PARD6B: variants seen among roughly 807,000 people sequenced by gnomAD.
PARD6B encodes partitioning defective 6 homolog beta.
In PARD6B, 4 loss-of-function variants were observed where a neutral mutation model predicts 10.5. That is an observed-to-expected ratio of 0.38 (90% CI 0.19 to 0.87). The LOEUF is 0.87. Among genes scored for constraint, PARD6B ranks in the 40% least tolerant of loss-of-function variants. The pLI, the probability that PARD6B is intolerant of heterozygous loss-of-function variation, is 0.41. For missense variants in PARD6B, 396 were observed against 470.6 expected, an observed-to-expected ratio of 0.84 and a Z score of 1.47; for synonymous variants, 169 against 170.4, an observed-to-expected ratio of 0.99 and a Z score of 0.07.
chr20:50,744,424 G>A (rs998541203), intron 2 of PARD6B, among the ~76,000 whole-genome samples: 1 of 152,106 alleles, frequency 6.6e-6, no homozygotes, highest in Admixed American at 6.6e-5. Flanking sequence ...GGCTGCAGTA[G>A]CTTCTTGTCC....
At position 50,750,136 on chromosome 20, in the gene PARD6B, T is replaced by G. The variant is rs373485771; in HGVS notation, c.767T>G (p.Val256Gly). 6.2e-7 allele frequency: 1 copy of G among 1,614,108 alleles called. No homozygotes were observed. Among genetic ancestry groups the G allele is most frequent in the Non-Finnish European group, 8.5e-7 (1 of 1,180,048 alleles). ...CCGGCAAACCAGAGGAATAATGTTGTGAGGAACAGTCGGACTTCTGGCAGT... is the reference window on the plus strand; with the variant it reads ...CCGGCAAACCAGAGGAATAATGTTGGGAGGAACAGTCGGACTTCTGGCAGT... ...VRPANQRNNV[V>G]RNSRTSGSSG... The change falls in exon 3 of 3, where the codon GTG (valine) becomes GGG (glycine). Residue 256 changes from valine to glycine, a missense_variant. Physicochemically the swap from Val to Gly is moderately radical, Grantham distance 109. Transcript: ENST00000371610.
rs1369815134 is a variant in PARD6B, at chr20:50,751,690, G to A, written c.*1202G>A. 3 of 980,818 alleles carry A rather than the reference G, an allele frequency of 3.1e-6. No individual in the cohort carries two copies. In the African/African-American group the frequency reaches 5.3e-5, roughly 17 times the overall value. The allele number at this position is 980,818 out of a possible 1,614,324, so 60.8% of individuals were successfully genotyped here. The stretch of plus-strand genomic sequence containing the variant: ...GAATCAAACCACTTGGCTGTTTTTA[G>A]GAGTTACTTCCCATGTTATAAAGCT... On this transcript the variant is annotated 3_prime_UTR_variant, in exon 3 of 3. Transcript: ENST00000371610.
intron 2 of PARD6B, among the ~76,000 whole-genome samples, chr20:50,746,054 G>A (rs2087566071): frequency 6.6e-6 from 1 of 151,892 alleles, no homozygotes; most frequent in African/African-American, 2.4e-5. Flanking sequence ...TACTGATGGA[G>A]CTTATGTAGA....
At chr20:50,734,607 G>A (rs370643992) in intron 1 of PARD6B, among the ~76,000 whole-genome samples, 8 of 152,130 alleles carry the variant, frequency 5.3e-5, no homozygotes, top group South Asian at 2.1e-4. Context: ...TGATCCGCCC[G>A]TCTCTACCTC....
At chr20:50,748,141 A>C (rs966474332) in intron 2 of PARD6B, among the ~76,000 whole-genome samples, 3 of 152,246 alleles carry the variant, frequency 2.0e-5, no homozygotes, top group Admixed American at 6.5e-5. Flanking sequence ...GAGTTCCATC[A>C]AGACCAGCCT....
At chr20:50,742,716 CTA>C (rs1214899824) in intron 2 of PARD6B, among the ~76,000 whole-genome samples, 10 of 152,112 alleles carry the variant, frequency 6.6e-5, no homozygotes, top group Admixed American at 3.3e-4. Context: ...AAATTTAAAA[CTA>C]TGTGATCTTT....
intron 1 of PARD6B, 105 bp downstream of exon 1, chr20:50,731,957 C>T (rs1177737082): frequency 9.7e-7 from 1 of 1,028,832 alleles, no homozygotes; most frequent in African/African-American, 1.7e-5. Flanking sequence ...GCTGAGCTGC[C>T]CCGGGGTCTG....
Position 50,751,009 on chromosome 20 carries a change from G to A in PARD6B, c.*521G>A, listed in dbSNP as rs2087605149. The A allele has an allele frequency of 4.8e-6, 3 of 620,852 alleles. No individual in the cohort carries two copies. Among genetic ancestry groups the A allele is most frequent in the African/African-American group, 2.6e-5 (1 of 38,648 alleles). The allele number at this position is 620,852 out of a possible 1,614,324, so 38.5% of individuals were successfully genotyped here. ...TTTAGTGACTGGGTCTCACTCTGTT[G>A]CCCACACTGGAATGCAGTGGCATGA... On this transcript the variant is annotated 3_prime_UTR_variant, in exon 3 of 3. Coordinates refer to ENST00000371610, the MANE Select transcript of PARD6B (RefSeq NM_032521.3).
intron 1 of PARD6B, among the ~76,000 whole-genome samples, chr20:50,735,486 G>T (rs533134314): frequency 1.1e-4 from 17 of 152,218 alleles, no homozygotes; most frequent in South Asian, 2.1e-4. Context: ...GACACTGGGG[G>T]AAGGGAGTCC....
chr20:50,753,503 G>A lies in PARD6B; in HGVS notation c.*3015G>A, dbSNP rs2087626648. ...TAAGTAAATTTATGATAATGTTCTC[G>A]AGCTATCAACAAAATATATGTACTT... On this transcript the variant is annotated 3_prime_UTR_variant, in exon 3 of 3. Transcript: ENST00000371610. 3 of 961,480 alleles carry A rather than the reference G, an allele frequency of 3.1e-6. No homozygotes were observed. Among genetic ancestry groups the A allele is most frequent in the Non-Finnish European group, 3.7e-6 (3 of 807,916 alleles). 59.6% of individuals were successfully genotyped at this position (961,480 alleles called of 1,614,324 possible). A position where few individuals can be genotyped will look rare whatever the true frequency, so the allele number is the denominator to read the frequency against.
chr20:50,749,356 A>C (rs2123708349), intron 2 of PARD6B, among the ~76,000 whole-genome samples: 1 of 148,418 alleles, frequency 6.7e-6, no homozygotes, highest in South Asian at 2.2e-4. Context: ...AAAAAAAAAA[A>C]TATGTAAGAT....
intron 1 of PARD6B, among the ~76,000 whole-genome samples, chr20:50,734,036 C>G (rs1037959298): frequency 4.6e-5 from 7 of 152,162 alleles, no homozygotes; most frequent in Admixed American, 6.5e-5. Context: ...CTAACTGTGT[C>G]TTTTAAATAG....
At chr20:50,737,313 T>C (rs1158936978) in intron 1 of PARD6B, among the ~76,000 whole-genome samples, 1 of 152,256 alleles carries the variant, frequency 6.6e-6, no homozygotes, top group Non-Finnish European at 1.5e-5. Flanking sequence ...GATGTATTAC[T>C]GAAGCTTATT....
At chr20:50,735,899 C>G (rs1371720971) in intron 1 of PARD6B, among the ~76,000 whole-genome samples, 1 of 152,176 alleles carries the variant, frequency 6.6e-6, no homozygotes, top group Non-Finnish European at 1.5e-5. Flanking sequence ...CAAGCACTAG[C>G]AACTTCATGT....
Position 50,742,351 on chromosome 20 carries a change from A to ATTTAT in PARD6B, c.289+4296_289+4300dup, listed in dbSNP as rs879671852. Among the ~76,000 whole-genome samples, 160 of 149,616 alleles carry ATTTAT rather than the reference A, an allele frequency of 1.1e-3. 1 individual carries two copies. The Middle Eastern group carries it at 0.011, about 10-fold the overall frequency. On this transcript the variant is annotated intron_variant, in intron 2 of 2. Coordinates refer to ENST00000371610, the MANE Select transcript of PARD6B (RefSeq NM_032521.3). Reference sequence around the variant, plus strand: ...GAGCCGCCGTGCCTGGCCCCAAGTGATTTATTTTATTTTATTTTATTTTAT... The same window carrying ATTTAT: ...GAGCCGCCGTGCCTGGCCCCAAGTGATTTATTTTATTTTATTTTATTTTATTTTAT...
chr20:50,750,968 T>TA lies in PARD6B; in HGVS notation c.*480_*481insA. ...ATTTTATTTTGATTTTTTTTTTTTTTTTTTTTTTTTTTTTTTTTAGTGACT... is the reference window on the plus strand; with the variant it reads ...ATTTTATTTTGATTTTTTTTTTTTTTATTTTTTTTTTTTTTTTTTAGTGACT... On this transcript the variant is annotated 3_prime_UTR_variant, in exon 3 of 3. Transcript: ENST00000371610. 4 of 386,812 alleles carry TA rather than the reference T, an allele frequency of 1.0e-5. No individual in the cohort carries two copies. Among genetic ancestry groups the TA allele is most frequent in the Non-Finnish European group, 1.2e-5 (4 of 321,796 alleles). The allele number at this position is 386,812 out of a possible 1,614,324, so 24.0% of individuals were successfully genotyped here.
chr20:50,747,586 A>C (rs531175401), intron 2 of PARD6B, among the ~76,000 whole-genome samples: 1 of 127,704 alleles, frequency 7.8e-6, no homozygotes, highest in Non-Finnish European at 1.6e-5. Context: ...TGTAAATTTC[A>C]CTTTTTAGTT....
At chr20:50,739,887 A>T in intron 2 of PARD6B, among the ~76,000 whole-genome samples, 1 of 30,282 alleles carries the variant, frequency 3.3e-5, no homozygotes, top group Non-Finnish European at 7.0e-5. Context: ...GGAGGGGAGA[A>T]GGCAGTGGCG....
At chr20:50,739,044 T>G (rs1272212473) in intron 2 of PARD6B, among the ~76,000 whole-genome samples, 1 of 151,856 alleles carries the variant, frequency 6.6e-6, no homozygotes, top group East Asian at 1.9e-4. Context: ...GTACCATTTT[T>G]TCCTTTCTCA....
Sources: gnomAD v4.1 joint callset for allele counts (sites outside exome capture counted in the v4.1 genomes callset) on GRCh38, gnomAD v4.1.1 for gene constraint, MANE v1.5 for transcripts, NCBI Gene and HGNC (gene_info 2026-07-23, HGNC 2026-07-21) for gene names.